ARAP1: variants seen among roughly 807,000 people sequenced by gnomAD.
ARAP1 encodes ArfGAP with RhoGAP domain, ankyrin repeat and PH domain 1.
A neutral mutation model predicts 172.2 loss-of-function variants in ARAP1; 76 were observed. The observed-to-expected ratio is 0.44, with a 90% confidence interval of 0.37 to 0.53. ARAP1 has a LOEUF of 0.53. Ranked by LOEUF, ARAP1 falls within the 20% of genes least tolerant of loss-of-function variation. The probability of loss-of-function intolerance (pLI) is 0.00; values close to 1 mark genes in which losing one functional copy is unlikely to be tolerated. For synonymous variants in ARAP1, 804 were observed against 803.3 expected (o/e 1.00, Z -0.01); for missense variants, 1,686 against 1,977.5 (o/e 0.85, Z 2.80).
chr11:72,712,378 G>T (rs759647983), intron 6 of ARAP1, 39 bp from the exon 7 acceptor site: 1 of 1,541,514 alleles, frequency 6.5e-7, no homozygotes, highest in African/African-American at 1.4e-5. Context: ...GGGCTGAGGA[G>T]GCAAGGAGGG....
intron 11 of ARAP1, 82 bp downstream of exon 11, chr11:72,709,788 A>T (rs927858508): frequency 1.9e-5 from 28 of 1,444,500 alleles, no homozygotes; most frequent in Middle Eastern, 1.7e-4. Flanking sequence ...TCCCATAGGA[A>T]GGGGCAGCTT....
Position 72,685,568 on chromosome 11 carries a change from C to T in ARAP1, c.*96G>A, listed in dbSNP as rs1024718160. ...TTGTGGGGTGCAGTTTCCCATGCAC[C>T]CCCCGCTGGCTCACATCAGGCCTTG... On this transcript the variant is annotated 3_prime_UTR_variant, in exon 35 of 35. Coordinates refer to ENST00000393609, the MANE Select transcript of ARAP1 (RefSeq NM_001040118.3). The T allele has an allele frequency of 1.8e-5, 28 of 1,541,836 alleles. No individual in the cohort carries two copies. In the East Asian group the frequency reaches 2.5e-4, roughly 14 times the overall value.
intron 32 of ARAP1, 73 bp downstream of exon 32, chr11:72,687,615 G>T: frequency 1.2e-6 from 2 of 1,612,698 alleles, no homozygotes; most frequent in Non-Finnish European, 1.7e-6. Flanking sequence ...GGGCAGTGAT[G>T]AGGGACACAA....
chr11:72,727,606 C>T (rs1438391609), intron 2 of ARAP1, among the ~76,000 whole-genome samples: 1 of 152,226 alleles, frequency 6.6e-6, no homozygotes, highest in Non-Finnish European at 1.5e-5. Flanking sequence ...GAGGGCCAGG[C>T]CAAGGGCTTA....
At position 72,699,706 on chromosome 11, in the gene ARAP1, C is replaced by T. The variant is rs1162942464; in HGVS notation, c.2303-154G>A. Reference sequence around the variant, plus strand: ...TCCATCCACCTCTCTGCATCCCCACCACGCTAGCCAGCCCACAAGTCATCC... The same window carrying T: ...TCCATCCACCTCTCTGCATCCCCACTACGCTAGCCAGCCCACAAGTCATCC... On this transcript the variant is annotated intron_variant, in intron 16 of 34. Coordinates refer to ENST00000393609, the MANE Select transcript of ARAP1 (RefSeq NM_001040118.3). The surrounding 1 kb of genome is among the most constrained non-coding windows in gnomAD (Gnocchi z 4.2). Among the ~76,000 whole-genome samples the T allele has an allele frequency of 1.3e-5, 2 of 152,198 alleles. No individual in the cohort carries two copies. Among genetic ancestry groups the T allele is most frequent in the Non-Finnish European group, 2.9e-5 (2 of 68,032 alleles).
chr11:72,727,048 A>C lies in ARAP1; in HGVS notation c.81T>G (p.Phe27Leu). Residue 27 changes from phenylalanine (F) to leucine (L), a missense_variant, in exon 3 of 35, where the codon TTT becomes TTG. Phe to Leu is a conservative substitution (Grantham distance 22, BLOSUM62 0). Coordinates refer to ENST00000393609, the MANE Select transcript of ARAP1 (RefSeq NM_001040118.3). The stretch of plus-strand genomic sequence containing the variant: ...TGGCCCACACCAGGCCATGCTGCTC[A>C]AAGAGCCCCGTGTACTGCTCCAGGT... ...ALHLEQYTGL[F>L]EQHGLVWATE... 6.2e-7 allele frequency: 1 copy of C among 1,610,932 alleles called. No individual in the cohort carries two copies. The highest frequency in any genetic ancestry group is 1.1e-5 in the South Asian group (1 of 90,672).
At chr11:72,722,189 G>A (rs1168945580) in intron 3 of ARAP1, 13 of 985,632 alleles carry the variant, frequency 1.3e-5, no homozygotes, top group Non-Finnish European at 1.4e-5. Flanking sequence ...GAGGGAGAGA[G>A]AGAGAGAGTG....
chr11:72,725,340 C>G lies in ARAP1; in HGVS notation c.509+1280G>C, dbSNP rs776938755. ...TCTCTTTTTCTCTCTCTCTCTCCCCCCCACAAGCTGATGGGGTTGAAATAG... is the reference window on the plus strand; with the variant it reads ...TCTCTTTTTCTCTCTCTCTCTCCCCGCCACAAGCTGATGGGGTTGAAATAG... On this transcript the variant is annotated intron_variant, in intron 3 of 34. Coordinates refer to ENST00000393609, the MANE Select transcript of ARAP1 (RefSeq NM_001040118.3). The surrounding 1 kb of genome is among the most constrained non-coding windows in gnomAD (Gnocchi z 4.3). 5.3e-5 allele frequency among the ~76,000 whole-genome samples: 8 copies of G among 150,772 alleles called. No homozygotes were observed. Among genetic ancestry groups the G allele is most frequent in the East Asian group, 1.9e-4 (1 of 5,180 alleles).
Position 72,693,556 on chromosome 11 carries a change from GC to G in ARAP1, c.3809-87del, listed in dbSNP as rs767788826. The stretch of plus-strand genomic sequence containing the variant: ...AGGATGAAGGAAGCTGCCCCATCCT[GC>G]CCCAGCCTCTCCATAGAGGCCCACC... On this transcript the variant is annotated intron_variant, in intron 28 of 34. Coordinates refer to ENST00000393609, the MANE Select transcript of ARAP1 (RefSeq NM_001040118.3). The surrounding 1 kb of genome is among the most constrained non-coding windows in gnomAD (Gnocchi z 4.6). 17 of 1,554,234 alleles carry G rather than the reference GC, an allele frequency of 1.1e-5. No individual in the cohort carries two copies. The highest frequency in any genetic ancestry group is 1.2e-5 in the Non-Finnish European group (14 of 1,147,546).
At position 72,699,162 on chromosome 11, in the gene ARAP1, C is replaced by A. The variant is rs2135511576; in HGVS notation, c.2439-55G>T. Reference sequence around the variant, plus strand: ...CACCTCATCCAGCACGGGCCCACCCCCAACCCGCACCATCAACCGCCATCC... The same window carrying A: ...CACCTCATCCAGCACGGGCCCACCCACAACCCGCACCATCAACCGCCATCC... On this transcript the variant is annotated intron_variant, in intron 17 of 34. Transcript: ENST00000393609. The surrounding 1 kb of genome is among the most constrained non-coding windows in gnomAD (Gnocchi z 4.2). 2 of 1,571,022 alleles carry A rather than the reference C, an allele frequency of 1.3e-6. No homozygotes were observed. Among genetic ancestry groups the A allele is most frequent in the East Asian group, 2.2e-5 (1 of 44,616 alleles).
chr11:72,733,255 G>A (rs1857917506), intron 1 of ARAP1, among the ~76,000 whole-genome samples: 1 of 152,186 alleles, frequency 6.6e-6, no homozygotes, highest in South Asian at 2.1e-4. Context: ...GACTGTGGAA[G>A]GGACAGCCCC....
Position 72,712,658 on chromosome 11 carries a change from C to T in ARAP1, c.748-90G>A, listed in dbSNP as rs533002910. The stretch of plus-strand genomic sequence containing the variant: ...TGCCACGCCCCCTCTGTCCACACAG[C>T]CCCGACCCACACAGCCCAGCACTTT... On this transcript the variant is annotated intron_variant, in intron 5 of 34. Coordinates refer to ENST00000393609, the MANE Select transcript of ARAP1 (RefSeq NM_001040118.3). 14 of 1,592,306 alleles carry T rather than the reference C, an allele frequency of 8.8e-6. No individual in the cohort carries two copies. In the Admixed American group the frequency reaches 2.0e-4, roughly 23 times the overall value.
intron 2 of ARAP1, among the ~76,000 whole-genome samples, chr11:72,730,975 G>C (rs2135577128): frequency 1.3e-5 from 2 of 152,288 alleles, no homozygotes; most frequent in Middle Eastern, 6.8e-3. Context: ...CACTGTTAAA[G>C]GAGTAAAGAA....
rs948495336 is a variant in ARAP1 at position 72,713,680 on chromosome 11, T to C, written c.680-437A>G. Among the ~76,000 whole-genome samples, 69 of 151,920 alleles carry C rather than the reference T, an allele frequency of 4.5e-4. 1 individual carries two copies. Among genetic ancestry groups the C allele is most frequent in the Admixed American group, 2.7e-3 (41 of 15,258 alleles). ...GGCTAACACGGTGAAACCCCGTCTC[T>C]ACTAAAAATACAAAAAATTAGCCAG... On this transcript the variant is annotated intron_variant, in intron 4 of 34. Coordinates refer to ENST00000393609, the MANE Select transcript of ARAP1 (RefSeq NM_001040118.3).
intron 1 of ARAP1, among the ~76,000 whole-genome samples, chr11:72,745,182 CTTT>C (rs902550014): frequency 1.7e-4 from 15 of 88,308 alleles, no homozygotes; most frequent in African/African-American, 5.4e-4. Context: ...AAGTTTCTTT[CTTT>C]TTTTTTTTTT....
chr11:72,701,828 G>C lies in ARAP1; in HGVS notation c.2168-45C>G, dbSNP rs772565562. ...ATGGCAGGTCATGCTGGCCACCCAAGAGGGTGTCCCCACCTCACTCCCACC... is the reference window on the plus strand; with the variant it reads ...ATGGCAGGTCATGCTGGCCACCCAACAGGGTGTCCCCACCTCACTCCCACC... On this transcript the variant is annotated intron_variant, in intron 15 of 34. Coordinates refer to ENST00000393609, the MANE Select transcript of ARAP1 (RefSeq NM_001040118.3). 3 of 1,602,794 alleles carry C rather than the reference G, an allele frequency of 1.9e-6. No homozygotes were observed. In the South Asian group the frequency reaches 3.4e-5, roughly 18 times the overall value.
chr11:72,748,344 A>T (rs534602638), intron 1 of ARAP1, among the ~76,000 whole-genome samples: 3 of 152,056 alleles, frequency 2.0e-5, no homozygotes, highest in African/African-American at 7.2e-5. Flanking sequence ...ACATGGTGAA[A>T]CCCCGTCTCT....
rs1350237245 is a variant in ARAP1, at chr11:72,697,066, G to A, written c.3083C>T (p.Ser1028Phe). ...KEGEQHVDDV[S>F]SALKRFLRDL... is the part of the protein sequence containing the mutation. ...GCGCAGGAAGCGCTTGAGCGCCGAGGAAACATCATCCACGTGCTGCTCGCC... is the reference window on the plus strand; with the variant it reads ...GCGCAGGAAGCGCTTGAGCGCCGAGAAAACATCATCCACGTGCTGCTCGCC... Residue 1028 changes from serine to phenylalanine, a missense_variant, in exon 22 of 35, where the codon TCC becomes TTC. By Grantham distance (155) the Ser-to-Phe change is radical. This residue lies in a region of ARAP1 where 274 missense variants were observed against 262.7 expected (regional missense o/e 1.04). Coordinates refer to ENST00000393609, the MANE Select transcript of ARAP1 (RefSeq NM_001040118.3). 7.5e-6 allele frequency: 12 copies of A among 1,610,196 alleles called. No individual in the cohort carries two copies. The highest frequency in any genetic ancestry group is 7.6e-6 in the Non-Finnish European group (9 of 1,179,946).
chr11:72,712,999 A>G, intron 5 of ARAP1, 177 bp downstream of exon 5: 2 of 683,250 alleles, frequency 2.9e-6, no homozygotes, highest in Middle Eastern at 2.6e-4. Flanking sequence ...CCTGGCCCAG[A>G]GCGCTGTGGC....
Sources: allele counts gnomAD v4.1 joint callset (sites outside exome capture counted in the v4.1 genomes callset), GRCh38; gene constraint gnomAD v4.1.1; regional missense constraint gnomAD v4.1.1; non-coding constraint Gnocchi (gnomAD v3.1); transcripts MANE v1.5; gene names NCBI Gene and HGNC (gene_info 2026-07-23, HGNC 2026-07-21).